FILIP1: variants seen among roughly 807,000 people sequenced by gnomAD.
FILIP1 encodes filamin-A-interacting protein 1.
FILIP1 carries 61 observed loss-of-function variants against 102.1 expected under a neutral mutation model. That is an observed-to-expected ratio of 0.60 (90% CI 0.49 to 0.74). The LOEUF (loss-of-function observed/expected upper bound fraction) is 0.74. Ranked by LOEUF, FILIP1 falls within the 30% of genes least tolerant of loss-of-function variation. The probability of loss-of-function intolerance (pLI) is 0.00; values close to 1 mark genes in which losing one functional copy is unlikely to be tolerated. For synonymous variants in FILIP1, 491 were observed against 526.9 expected (o/e 0.93, Z 0.93); for missense variants, 1,314 against 1,441.2 (o/e 0.91, Z 1.43).
In FILIP1 at chr6:75,314,584, G is replaced by T; in HGVS notation, c.1248C>A (p.His416Gln). Residue 416 changes from histidine to glutamine, a missense_variant, in exon 5 of 6, where the codon CAC becomes CAA. Around this residue, in one of 3 missense-constraint regions of FILIP1, gnomAD observed 494 missense variants for 511.2 expected, o/e 0.97. Coordinates refer to ENST00000237172, the MANE Select transcript of FILIP1 (RefSeq NM_015687.5). ...ELRKKLQEEE[H>Q]HSKELRLEVE... is the part of the protein sequence containing the mutation. ...CTTCAAGTCTGAGCTCCTTACTATG[G>T]TGTTCTTCCTCTTGCAGCTTCTTCC... 6.2e-7 allele frequency: 1 copy of T among 1,613,824 alleles called. No individual in the cohort carries two copies. The highest frequency in any genetic ancestry group is 8.5e-7 in the Non-Finnish European group (1 of 1,179,962).
chr6:75,428,989 T>A (rs1382434733), intron 1 of FILIP1, among the ~76,000 whole-genome samples: 2 of 152,140 alleles, frequency 1.3e-5, no homozygotes, highest in Non-Finnish European at 2.9e-5. Context: ...ACTAGCTAGT[T>A]TACCACAATC....
chr6:75,302,823 CATGATATGAT>C (rs61429237), intron 6 of FILIP1, among the ~76,000 whole-genome samples: 3,335 of 149,204 alleles, frequency 0.022, 94 homozygotes, highest in East Asian at 0.13. Flanking sequence ...TATGATATGA[CATGATATGAT>C]ATGATATGAT....
intron 6 of FILIP1, among the ~76,000 whole-genome samples, chr6:75,298,172 A>T (rs1281607260): frequency 6.6e-6 from 1 of 152,208 alleles, no homozygotes; most frequent in African/African-American, 2.4e-5. Flanking sequence ...CCGTACACAG[A>T]AGAAACAATG....
chr6:75,452,067 A>G (rs1372489484), intron 1 of FILIP1, among the ~76,000 whole-genome samples: 2 of 151,112 alleles, frequency 1.3e-5, no homozygotes, highest in Non-Finnish European at 2.9e-5. Flanking sequence ...CAGAGATGCC[A>G]CCAGGAATTT....
At position 75,314,172 on chromosome 6, in the gene FILIP1, G is replaced by A. The variant is rs753138928; in HGVS notation, c.1660C>T (p.Leu554Phe). The A allele has an allele frequency of 6.5e-7, 1 of 1,542,078 alleles. No individual in the cohort carries two copies. The change falls in exon 5 of 6, where the codon CTT (leucine) becomes TTT (phenylalanine). Residue 554 changes from leucine (L) to phenylalanine (F), a missense_variant. Leu to Phe is a conservative substitution (Grantham distance 22, BLOSUM62 0). This residue lies in a region of FILIP1 where 816 missense variants were observed against 913.1 expected (regional missense o/e 0.89). Coordinates refer to ENST00000237172, the MANE Select transcript of FILIP1 (RefSeq NM_015687.5). ...TEKLIEESKKLLKLKSEMEEK... is the reference protein window; with the variant it reads ...TEKLIEESKKFLKLKSEMEEK... The stretch of plus-strand genomic sequence containing the variant: ...TCCATTTCAGATTTTAGTTTTAAAA[G>A]TTTCTTACTTTCTTCAATTAGTTTT...
At chr6:75,318,347 G>A (rs1171770539) in intron 4 of FILIP1, among the ~76,000 whole-genome samples, 2 of 145,998 alleles carry the variant, frequency 1.4e-5, no homozygotes, top group African/African-American at 2.5e-5. Context: ...ACTATCCTTC[G>A]ACCTCAGCCT....
intron 1 of FILIP1, among the ~76,000 whole-genome samples, chr6:75,477,005 G>A (rs1779492663): frequency 6.6e-6 from 1 of 152,072 alleles, no homozygotes; most frequent in South Asian, 2.1e-4. Context: ...AGTTTTAATT[G>A]GAAATTGATA....
chr6:75,414,802 T>A lies in FILIP1; in HGVS notation c.171A>T (p.Arg57=). 1 of 1,613,990 alleles carries A rather than the reference T, an allele frequency of 6.2e-7. No individual in the cohort carries two copies. Among genetic ancestry groups the A allele is most frequent in the Non-Finnish European group, 8.5e-7 (1 of 1,179,886 alleles). The change falls in exon 2 of 6, where the codon CGA becomes CGT. Residue 57 remains arginine, a synonymous_variant. Coordinates refer to ENST00000237172, the MANE Select transcript of FILIP1 (RefSeq NM_015687.5). ...CACATTCTCCAGATGTTTTTAGGTG[T>A]CGTTTGACAGTTCCTGAGGCCATGA... ...DDVMASGTVK[R]HLKTSGECER... is the part of the protein sequence containing the mutation.
At chr6:75,298,822 GT>G (rs1232415715) in intron 6 of FILIP1, among the ~76,000 whole-genome samples, 1 of 152,098 alleles carries the variant, frequency 6.6e-6, no homozygotes, top group African/African-American at 2.4e-5. Flanking sequence ...GGAGGCTGAG[GT>G]GGGAGAATAG....
chr6:75,391,500 G>A (rs1343454433), intron 2 of FILIP1, among the ~76,000 whole-genome samples: 1 of 151,978 alleles, frequency 6.6e-6, no homozygotes, highest in African/African-American at 2.4e-5. Context: ...AACAATTTGG[G>A]AAGAATTTCC....
At chr6:75,491,381 G>T (rs770886784) in intron 1 of FILIP1, among the ~76,000 whole-genome samples, 1 of 152,120 alleles carries the variant, frequency 6.6e-6, no homozygotes, top group Non-Finnish European at 1.5e-5. Context: ...ATGATGGAAG[G>T]TTTTCAAAAT....
intron 1 of FILIP1, among the ~76,000 whole-genome samples, chr6:75,491,522 G>C (rs939284775): frequency 1.3e-5 from 2 of 152,148 alleles, no homozygotes; most frequent in Admixed American, 1.3e-4. Context: ...GGCAACAAGG[G>C]GTAGGAGGGA....
At chr6:75,407,031 T>C (rs771209873) in intron 2 of FILIP1, among the ~76,000 whole-genome samples, 15 of 152,182 alleles carry the variant, frequency 9.9e-5, no homozygotes, top group Non-Finnish European at 1.8e-4. Flanking sequence ...GCCCAAAGAA[T>C]GGATGAACTC....
chr6:75,389,712 G>A (rs1776219527), intron 2 of FILIP1, among the ~76,000 whole-genome samples: 1 of 152,134 alleles, frequency 6.6e-6, no homozygotes, highest in Admixed American at 6.6e-5. Flanking sequence ...TGAGATAAGT[G>A]TTGATCTCCC....
intron 3 of FILIP1, among the ~76,000 whole-genome samples, chr6:75,356,937 C>T (rs1301547660): frequency 6.6e-6 from 1 of 152,116 alleles, no homozygotes; most frequent in Non-Finnish European, 1.5e-5. Flanking sequence ...TCATCATCAT[C>T]AAAAATGTAG....
At chr6:75,363,218 A>C (rs115483037) in intron 2 of FILIP1, among the ~76,000 whole-genome samples, 3,495 of 152,218 alleles carry the variant, frequency 0.023, 124 homozygotes, top group African/African-American at 0.079. Context: ...GGAGGCAAGC[A>C]GGGCTGGTCC....
At chr6:75,453,144 G>A (rs1366656510) in intron 1 of FILIP1, among the ~76,000 whole-genome samples, 3 of 152,190 alleles carry the variant, frequency 2.0e-5, no homozygotes, top group African/African-American at 7.2e-5. Context: ...ATACAGAGTT[G>A]TAAGGCTGTT....
chr6:75,314,617 C>T lies in FILIP1; in HGVS notation c.1215G>A (p.Arg405=), dbSNP rs148809043. 70 of 1,613,450 alleles carry T rather than the reference C, an allele frequency of 4.3e-5. No individual in the cohort carries two copies. Among genetic ancestry groups the T allele is most frequent in the South Asian group, 6.6e-5 (6 of 90,860 alleles). The change falls in exon 5 of 6, where the codon AGG becomes AGA. Residue 405 remains arginine (R), a synonymous_variant. Coordinates refer to ENST00000237172, the MANE Select transcript of FILIP1 (RefSeq NM_015687.5). The part of the protein sequence containing the change: ...EEITKTESQC[R]ELRKKLQEEE... Reference sequence around the variant, plus strand: ...CCTCTTGCAGCTTCTTCCTCAATTCCCTACACTGGGATTCAGTTTTAGTGA... The same window carrying T: ...CCTCTTGCAGCTTCTTCCTCAATTCTCTACACTGGGATTCAGTTTTAGTGA...
chr6:75,417,302 G>T (rs1022947386), intron 1 of FILIP1, among the ~76,000 whole-genome samples: 1 of 152,118 alleles, frequency 6.6e-6, no homozygotes, highest in Non-Finnish European at 1.5e-5. Context: ...TTAGATAAAT[G>T]AGGTCTTCTA....
Sources: gnomAD v4.1 joint callset for allele counts (sites outside exome capture counted in the v4.1 genomes callset) on GRCh38, gnomAD v4.1.1 for gene constraint, gnomAD v4.1.1 regional missense constraint, MANE v1.5 for transcripts, NCBI Gene and HGNC (gene_info 2026-07-23, HGNC 2026-07-21) for gene names.